The following SCML4 variants were observed in gnomAD, a reference collection of about 807,000 sequenced individuals.
The protein encoded by SCML4 is Scm polycomb group protein like 4, also known as sex comb on midleg-like protein 4.
In SCML4, 34 loss-of-function variants were observed where a neutral mutation model predicts 41.1. The ratio of observed to expected loss-of-function variants is 0.83; its 90% CI spans 0.63 to 1.10. The LOEUF is 1.10. Among genes scored for constraint, SCML4 ranks in the 50% least tolerant of loss-of-function variants. The pLI is 0.00. For synonymous variants in SCML4, 214 were observed against 220.9 expected (o/e 0.97, Z 0.28); for missense variants, 522 against 534.1 (o/e 0.98, Z 0.22).
At chr6:107,804,074 A>G (rs1271905026) in intron 1 of SCML4, among the ~76,000 whole-genome samples, 11 of 147,340 alleles carry the variant, frequency 7.5e-5, no homozygotes, top group African/African-American at 2.7e-4. Context: ...AAAGAAAAAA[A>G]AAAAAAAAGA....
At chr6:107,755,711 A>G in intron 2 of SCML4, 1 of 948,322 alleles carries the variant, frequency 1.1e-6, no homozygotes, top group Non-Finnish European at 1.4e-6. Flanking sequence ...AAATGGACAA[A>G]ATAAAACACA....
intron 1 of SCML4, among the ~76,000 whole-genome samples, chr6:107,782,696 G>A (rs1282680625): frequency 6.6e-6 from 1 of 152,056 alleles, no homozygotes; most frequent in Non-Finnish European, 1.5e-5. Context: ...CTGATGGCAG[G>A]TGCTGGTCTG....
At chr6:107,800,810 T>G (rs1490737109) in intron 1 of SCML4, among the ~76,000 whole-genome samples, 2 of 152,128 alleles carry the variant, frequency 1.3e-5, no homozygotes, top group Non-Finnish European at 2.9e-5. Context: ...AAAAAGGACT[T>G]TTTCTTCTTC....
intron 1 of SCML4, among the ~76,000 whole-genome samples, chr6:107,818,003 A>G (rs1209060366): frequency 3.9e-5 from 6 of 152,204 alleles, no homozygotes; most frequent in African/African-American, 1.4e-4. Flanking sequence ...TCTAGTACTA[A>G]TTATGTTAAG....
At chr6:107,810,805 T>C (rs1242962185) in intron 1 of SCML4, among the ~76,000 whole-genome samples, 1 of 152,178 alleles carries the variant, frequency 6.6e-6, no homozygotes, top group Non-Finnish European at 1.5e-5. Context: ...TAATTGGAGA[T>C]AGGCTATTTT....
At chr6:107,741,912 G>A (rs980591814) in intron 5 of SCML4, among the ~76,000 whole-genome samples, 4 of 152,152 alleles carry the variant, frequency 2.6e-5, no homozygotes, top group Non-Finnish European at 4.4e-5. Flanking sequence ...ACAGGAAACC[G>A]TGATCTCCCT....
intron 1 of SCML4, among the ~76,000 whole-genome samples, chr6:107,794,164 C>A (rs1020071357): frequency 6.6e-6 from 1 of 152,210 alleles, no homozygotes; most frequent in Admixed American, 6.5e-5. Flanking sequence ...GATGTGATCA[C>A]AGCAGAGTGA....
chr6:107,799,048 C>G (rs9372169), intron 1 of SCML4, among the ~76,000 whole-genome samples: 152,063 of 152,294 alleles, frequency 1, 75,918 homozygotes, highest in Middle Eastern at 1. Flanking sequence ...TTCTGTAGTT[C>G]TATAGTGTTC....
intron 1 of SCML4, among the ~76,000 whole-genome samples, chr6:107,808,118 C>A (rs1161476844): frequency 6.6e-6 from 1 of 152,166 alleles, no homozygotes; most frequent in Non-Finnish European, 1.5e-5. Context: ...TGCTTCTGCA[C>A]TCCTCTGCAG....
the SCML4 span, among the ~76,000 whole-genome samples, chr6:107,839,853 A>G: frequency 6.6e-6 from 1 of 152,084 alleles, no homozygotes; most frequent in Non-Finnish European, 1.5e-5. Context: ...CAGCCTCCCA[A>G]AGTGTTGGGA....
chr6:107,783,985 C>G (rs1781694684), intron 1 of SCML4, among the ~76,000 whole-genome samples: 2 of 152,294 alleles, frequency 1.3e-5, no homozygotes, highest in South Asian at 4.1e-4. Context: ...GCCCCTCAAG[C>G]TTAGGGGTGG....
intron 2 of SCML4, among the ~76,000 whole-genome samples, chr6:107,764,698 T>C (rs962306591): frequency 3.2e-4 from 49 of 152,202 alleles, no homozygotes; most frequent in Admixed American, 3.1e-3. Context: ...CTATCTGATA[T>C]GGTTTCACTG....
At chr6:107,759,292 T>C (rs941978807) in intron 2 of SCML4, among the ~76,000 whole-genome samples, 8 of 151,950 alleles carry the variant, frequency 5.3e-5, no homozygotes, top group Admixed American at 5.2e-4. Context: ...ATTGCGCCAC[T>C]GCACTCCAAT....
chr6:107,765,054 A>G (rs1244625073), intron 2 of SCML4, among the ~76,000 whole-genome samples: 1 of 152,194 alleles, frequency 6.6e-6, no homozygotes, highest in East Asian at 1.9e-4. Context: ...AGACTAATAC[A>G]CTATCCTTAA....
At chr6:107,822,508 C>CTTTTTTTTTTTT (rs10677944) in intron 1 of SCML4, among the ~76,000 whole-genome samples, 91 of 137,974 alleles carry the variant, frequency 6.6e-4, no homozygotes, top group African/African-American at 2.3e-3. Context: ...TTTTTCTTTT[C>CTTTTTTTTTTTT]TTTTTTTTTT....
intron 2 of SCML4, among the ~76,000 whole-genome samples, chr6:107,766,498 G>C (rs534702015): frequency 6.6e-6 from 1 of 151,994 alleles, no homozygotes; most frequent in African/African-American, 2.4e-5. Flanking sequence ...AACTATTATC[G>C]AATTTAGCAA....
intron 1 of SCML4, among the ~76,000 whole-genome samples, chr6:107,816,675 G>T (rs1784570270): frequency 6.6e-6 from 1 of 152,212 alleles, no homozygotes; most frequent in South Asian, 2.1e-4. Context: ...CCTTGACCTG[G>T]GAGAGAGGCC....
chr6:107,763,521 G>C (rs1370264392), intron 2 of SCML4, among the ~76,000 whole-genome samples: 1 of 152,016 alleles, frequency 6.6e-6, no homozygotes, highest in East Asian at 1.9e-4. Context: ...CAAGTAGCTG[G>C]GATTATGGGC....
At chr6:107,824,454 C>T (rs1267330703), upstream of SCML4, 2 of 143,100 alleles carry the variant, frequency 1.4e-5, no homozygotes, top group Non-Finnish European at 3.0e-5. Context: ...ATGCAGAAAA[C>T]GAGGCCTCTG....
Sources: gnomAD v4.1 joint callset for allele counts (sites outside exome capture counted in the v4.1 genomes callset) on GRCh38, gnomAD v4.1.1 for gene constraint, MANE v1.5 for transcripts, NCBI Gene and HGNC (gene_info 2026-07-23, HGNC 2026-07-21) for gene names.